Variants in NKAIN2 observed in about 807,000 individuals in gnomAD.
NKAIN2 encodes sodium/potassium transporting ATPase interacting 2.
A neutral mutation model predicts 32.6 loss-of-function variants in NKAIN2; 14 were observed. The observed-to-expected ratio is 0.43, with a 90% CI of 0.28 to 0.67. The LOEUF (loss-of-function observed/expected upper bound fraction) is 0.67, where lower values mean the gene tolerates loss of function less well. Among genes scored for constraint, NKAIN2 ranks in the 30% least tolerant of loss-of-function variants. The pLI, the probability that NKAIN2 is intolerant of heterozygous loss-of-function variation, is 0.17. For synonymous variants in NKAIN2, 80 were observed against 87.2 expected (o/e 0.92, Z 0.46); for missense variants, 198 against 258.3 (o/e 0.77, Z 1.60).
intron 1 of NKAIN2, among the ~76,000 whole-genome samples, chr6:123,958,382 G>A (rs1244639222): frequency 6.6e-6 from 1 of 152,210 alleles, no homozygotes; most frequent in Admixed American, 6.5e-5. Context: ...AGCAGTGTCT[G>A]CTCCGTCACC....
At chr6:124,690,040 C>G (rs551933594) in intron 4 of NKAIN2, among the ~76,000 whole-genome samples, 1 of 152,184 alleles carries the variant, frequency 6.6e-6, no homozygotes, top group African/African-American at 2.4e-5. Context: ...AGATCAAGTT[C>G]AGAAGAACAG....
At chr6:123,922,508 A>G (rs969920929) in intron 1 of NKAIN2, among the ~76,000 whole-genome samples, 2 of 152,216 alleles carry the variant, frequency 1.3e-5, no homozygotes, top group East Asian at 1.9e-4. Flanking sequence ...TAAGTTTCTT[A>G]TAACTTTTTC....
chr6:124,352,267 T>G (rs528059457), intron 2 of NKAIN2, among the ~76,000 whole-genome samples: 21 of 152,324 alleles, frequency 1.4e-4, no homozygotes, highest in Non-Finnish European at 2.2e-4. Context: ...AACATAAATG[T>G]TTCAACTTGA....
chr6:123,834,363 C>T (rs886882284), intron 1 of NKAIN2, among the ~76,000 whole-genome samples: 1 of 151,878 alleles, frequency 6.6e-6, no homozygotes, highest in African/African-American at 2.4e-5. Context: ...CCATGTTGGC[C>T]AGGCTGGTCT....
intron 1 of NKAIN2, among the ~76,000 whole-genome samples, chr6:124,030,037 T>C (rs1461325166): frequency 6.7e-6 from 1 of 149,390 alleles, no homozygotes; most frequent in Non-Finnish European, 1.5e-5. Context: ...ACCCCATCTC[T>C]ACAAAAACAA....
At chr6:123,921,291 A>C (rs1775739699) in intron 1 of NKAIN2, among the ~76,000 whole-genome samples, 1 of 152,232 alleles carries the variant, frequency 6.6e-6, no homozygotes, top group Admixed American at 6.5e-5. Context: ...TTGTCGAACA[A>C]TTATAATTTA....
intron 1 of NKAIN2, among the ~76,000 whole-genome samples, chr6:124,136,935 C>T (rs557164240): frequency 1.1e-4 from 17 of 152,066 alleles, no homozygotes; most frequent in African/African-American, 3.9e-4. Flanking sequence ...AAGTATTCCC[C>T]CCTGAGAATT....
intron 4 of NKAIN2, among the ~76,000 whole-genome samples, chr6:124,725,345 C>A (rs760441693): frequency 6.6e-6 from 1 of 152,018 alleles, no homozygotes. Context: ...TTCAAGCAAT[C>A]CTCCCACCTT....
chr6:123,898,775 T>C (rs188968170), intron 1 of NKAIN2, among the ~76,000 whole-genome samples: 39 of 152,314 alleles, frequency 2.6e-4, no homozygotes, highest in African/African-American at 8.7e-4. Flanking sequence ...TGGTATTAGC[T>C]GGACCCCAGT....
intron 1 of NKAIN2, among the ~76,000 whole-genome samples, chr6:124,011,907 A>G (rs1221367391): frequency 6.6e-6 from 1 of 152,166 alleles, no homozygotes; most frequent in Non-Finnish European, 1.5e-5. Context: ...GATTATGAAC[A>G]TCAATGGGCT....
rs918183395 is a variant in NKAIN2, at chr6:124,342,769, T to A, written c.193-12498T>A. Among the ~76,000 whole-genome samples, 5 of 151,714 alleles carry A rather than the reference T, an allele frequency of 3.3e-5. No homozygotes were observed. The South Asian group carries it at 6.3e-4, about 19-fold the overall frequency. ...ATTTGCCCACTTCAGCCTCCAAAAG[T>A]ACTGGGATTACAAGGATGAGCCACC... On this transcript the variant is annotated intron_variant, in intron 2 of 6. Transcript: ENST00000368417.
At chr6:124,025,209 T>C (rs181977549) in intron 1 of NKAIN2, among the ~76,000 whole-genome samples, 68 of 152,288 alleles carry the variant, frequency 4.5e-4, no homozygotes, top group African/African-American at 1.4e-3. Flanking sequence ...TACATACCTG[T>C]CTATCTCTAT....
intron 3 of NKAIN2, among the ~76,000 whole-genome samples, chr6:124,477,192 A>G (rs2114689682): frequency 6.6e-6 from 1 of 152,304 alleles, no homozygotes; most frequent in Admixed American, 6.5e-5. Context: ...TATAAGAGCT[A>G]TTGTGGGCAT....
chr6:124,117,211 G>A (rs575053510), intron 1 of NKAIN2, among the ~76,000 whole-genome samples: 5 of 152,130 alleles, frequency 3.3e-5, no homozygotes, highest in East Asian at 3.9e-4. Flanking sequence ...TCTGTGGGGA[G>A]GTCCAGGAGA....
At chr6:124,784,334 CA>C (rs1779407586) in intron 4 of NKAIN2, among the ~76,000 whole-genome samples, 1 of 152,152 alleles carries the variant, frequency 6.6e-6, no homozygotes, top group Non-Finnish European at 1.5e-5. Context: ...ACAGTTTCAT[CA>C]CCACAAGGAT....
At chr6:124,453,353 A>ACG (rs1198897513) in intron 3 of NKAIN2, among the ~76,000 whole-genome samples, 5 of 136,014 alleles carry the variant, frequency 3.7e-5, no homozygotes, top group African/African-American at 1.3e-4. Context: ...ACACACACAC[A>ACG]CACACACACA....
chr6:124,124,452 T>C (rs1376915306), intron 1 of NKAIN2, among the ~76,000 whole-genome samples: 1 of 152,182 alleles, frequency 6.6e-6, no homozygotes, highest in Non-Finnish European at 1.5e-5. Context: ...TATTATTTGT[T>C]ATGAATAATA....
At chr6:124,257,750 A>T (rs1052429587) in intron 1 of NKAIN2, among the ~76,000 whole-genome samples, 1 of 151,522 alleles carries the variant, frequency 6.6e-6, no homozygotes. Context: ...TGAGCTGGAC[A>T]TATATTAATT....
chr6:124,266,816 A>G (rs1794513095), intron 1 of NKAIN2, among the ~76,000 whole-genome samples: 2 of 152,198 alleles, frequency 1.3e-5, no homozygotes, highest in Admixed American at 1.3e-4. Context: ...TAAACAGTGC[A>G]TGGATATAGA....
Sources: allele counts gnomAD v4.1 joint callset (sites outside exome capture counted in the v4.1 genomes callset), GRCh38; gene constraint gnomAD v4.1.1; transcripts MANE v1.5; gene names NCBI Gene and HGNC (gene_info 2026-07-23, HGNC 2026-07-21).